The following CTNNA3 variants were observed in gnomAD, a reference collection of about 807,000 sequenced individuals.
CTNNA3 encodes the protein catenin alpha 3.
In CTNNA3, 76 loss-of-function variants were observed where a neutral mutation model predicts 95.7. The observed-to-expected ratio is 0.79, with a 90% CI of 0.66 to 0.96. The LOEUF (loss-of-function observed/expected upper bound fraction) is 0.96, where lower values mean the gene tolerates loss of function less well. CTNNA3 is among the 40% of genes least tolerant of loss of function. CTNNA3 has a pLI of 0.00. For synonymous variants in CTNNA3, 431 were observed against 374.4 expected, an observed-to-expected ratio of 1.15 and a Z score of -1.74; for missense variants, 1,191 against 1,089.8, an observed-to-expected ratio of 1.09 and a Z score of -1.31.
At chr10:67,409,205 T>C (rs1292845507) in intron 5 of CTNNA3, among the ~76,000 whole-genome samples, 3 of 152,156 alleles carry the variant, frequency 2.0e-5, no homozygotes, top group Non-Finnish European at 4.4e-5. Flanking sequence ...GAGGCAGAAC[T>C]ACCATTTGAC....
At chr10:66,200,803 C>A (rs909157603) in intron 13 of CTNNA3, among the ~76,000 whole-genome samples, 8 of 152,152 alleles carry the variant, frequency 5.3e-5, no homozygotes, top group Admixed American at 4.6e-4. Context: ...ATAGCTAAAG[C>A]TTAGGCAATA....
intron 7 of CTNNA3, among the ~76,000 whole-genome samples, chr10:66,886,558 T>C (rs1478744091): frequency 1.3e-5 from 2 of 152,320 alleles, no homozygotes; most frequent in Non-Finnish European, 2.9e-5. Context: ...TATCTGCTCA[T>C]AGATTTTCCA....
chr10:66,618,248 G>C (rs568081589), intron 10 of CTNNA3, among the ~76,000 whole-genome samples: 1 of 151,472 alleles, frequency 6.6e-6, no homozygotes. Context: ...AGCCCGCATC[G>C]CCAAGTCAAT....
At chr10:66,182,551 G>A (rs1385194539) in intron 13 of CTNNA3, among the ~76,000 whole-genome samples, 9 of 152,086 alleles carry the variant, frequency 5.9e-5, no homozygotes, top group East Asian at 3.9e-4. Flanking sequence ...CACCGCGCCC[G>A]GCCGGATACA....
At chr10:67,126,644 T>C (rs1859734749) in intron 7 of CTNNA3, among the ~76,000 whole-genome samples, 2 of 152,338 alleles carry the variant, frequency 1.3e-5, no homozygotes, top group East Asian at 1.9e-4. Context: ...TTCTTCAATA[T>C]ATCTCAGCCA....
intron 7 of CTNNA3, among the ~76,000 whole-genome samples, chr10:66,987,737 A>C (rs1850814016): frequency 1.3e-5 from 2 of 152,232 alleles, no homozygotes; most frequent in Admixed American, 1.3e-4. Flanking sequence ...CTGGCAAAAT[A>C]AAAATTATGA....
chr10:66,126,883 T>A (rs1470107558), intron 13 of CTNNA3, among the ~76,000 whole-genome samples: 3 of 152,072 alleles, frequency 2.0e-5, no homozygotes, highest in Non-Finnish European at 4.4e-5. Flanking sequence ...AATTCCAAAG[T>A]ATTATATAGC....
At chr10:67,360,482 G>A (rs1842959681) in intron 5 of CTNNA3, among the ~76,000 whole-genome samples, 1 of 150,504 alleles carries the variant, frequency 6.6e-6, no homozygotes, top group Admixed American at 6.6e-5. Context: ...ACACATAACA[G>A]CCATAGGGGC....
chr10:67,047,278 T>A (rs187855970), intron 7 of CTNNA3, among the ~76,000 whole-genome samples: 1 of 152,294 alleles, frequency 6.6e-6, no homozygotes, highest in Admixed American at 6.5e-5. Flanking sequence ...CTGGGAAAGG[T>A]ATTGACTAGT....
chr10:66,309,254 C>G (rs2091972739), intron 12 of CTNNA3, among the ~76,000 whole-genome samples: 1 of 152,158 alleles, frequency 6.6e-6, no homozygotes, highest in African/African-American at 2.4e-5. Context: ...TGAAATGCTT[C>G]ATGAGTTTTT....
intron 9 of CTNNA3, among the ~76,000 whole-genome samples, chr10:66,629,469 C>T (rs534944802): frequency 6.6e-6 from 1 of 152,180 alleles, no homozygotes; most frequent in Admixed American, 6.5e-5. Flanking sequence ...TTGCACCAAC[C>T]TATATTTTTG....
intron 2 of CTNNA3, among the ~76,000 whole-genome samples, chr10:67,624,322 C>T (rs74771949): frequency 7.0e-4 from 106 of 152,258 alleles, no homozygotes; most frequent in African/African-American, 2.6e-3. Context: ...CCTGGACAGA[C>T]GTTTGTCAAA....
intron 1 of CTNNA3, among the ~76,000 whole-genome samples, chr10:67,733,929 G>C (rs1029488973): frequency 5.9e-5 from 9 of 152,052 alleles, no homozygotes; most frequent in African/African-American, 2.2e-4. Flanking sequence ...CCATGAAAAG[G>C]TTCACTTGAG....
intron 5 of CTNNA3, among the ~76,000 whole-genome samples, chr10:67,337,190 A>G (rs1842026718): frequency 6.6e-6 from 1 of 152,180 alleles, no homozygotes; most frequent in South Asian, 2.1e-4. Context: ...AGCATTCACG[A>G]TTCATGGGAG....
intron 11 of CTNNA3, among the ~76,000 whole-genome samples, chr10:66,486,833 AC>A: frequency 6.6e-6 from 1 of 150,502 alleles, no homozygotes; most frequent in East Asian, 2.1e-4. Flanking sequence ...ACACACACAC[AC>A]ACACACACAC....
intron 5 of CTNNA3, among the ~76,000 whole-genome samples, chr10:67,393,813 AAT>A (rs1844609201): frequency 6.6e-6 from 1 of 152,182 alleles, no homozygotes; most frequent in Non-Finnish European, 1.5e-5. Flanking sequence ...TCTACTAAAA[AAT>A]AAAAAGATAT....
intron 1 of CTNNA3, among the ~76,000 whole-genome samples, chr10:67,683,165 T>A (rs965928078): frequency 6.6e-6 from 1 of 152,230 alleles, no homozygotes; most frequent in Admixed American, 6.5e-5. Flanking sequence ...TTGCAGAGTC[T>A]AACAGAAAAG....
At chr10:67,497,368 T>C (rs925789649) in intron 5 of CTNNA3, among the ~76,000 whole-genome samples, 12 of 152,218 alleles carry the variant, frequency 7.9e-5, no homozygotes, top group Admixed American at 7.8e-4. Context: ...GTCTTTGCTA[T>C]TGTGAACAGT....
chr10:65,925,570 G>A (rs983049673), intron 17 of CTNNA3, among the ~76,000 whole-genome samples: 5 of 152,050 alleles, frequency 3.3e-5, no homozygotes, highest in African/African-American at 1.2e-4. Context: ...CCAAGTAGCT[G>A]GCATTACAGG....
Sources: allele counts gnomAD v4.1 joint callset (sites outside exome capture counted in the v4.1 genomes callset), GRCh38; gene constraint gnomAD v4.1.1; transcripts MANE v1.5; gene names NCBI Gene and HGNC (gene_info 2026-07-23, HGNC 2026-07-21).